Variants in PAPSS2 observed in about 807,000 individuals in gnomAD.
PAPSS2 encodes 3'-phosphoadenosine 5'-phosphosulfate synthase 2.
A neutral mutation model predicts 66.5 loss-of-function variants in PAPSS2; 61 were observed. The observed-to-expected ratio is 0.92, with a 90% confidence interval of 0.75 to 1.14. PAPSS2 has a LOEUF of 1.14. PAPSS2 is among the 50% of genes most tolerant of loss of function. The pLI is 0.00. For synonymous variants in PAPSS2, 289 were observed against 287.5 expected, an observed-to-expected ratio of 1.01 and a Z score of -0.05; for missense variants, 708 against 789.6, an observed-to-expected ratio of 0.90 and a Z score of 1.24.
At chr10:87,680,542 A>T (rs1853006789) in intron 1 of PAPSS2, among the ~76,000 whole-genome samples, 4 of 152,162 alleles carry the variant, frequency 2.6e-5, no homozygotes, top group Admixed American at 2.6e-4. Context: ...GTCCCTCCTC[A>T]GTCACTTTGA....
rs535151282 is a variant in PAPSS2 at position 87,702,737 on chromosome 10, C to T, written c.28-6459C>T. Reference sequence around the variant, plus strand: ...TTTTTTTTAATTGAGACATTATGAACATCTCAGAACAAAAGCTTTGGGCTT... The same window carrying T: ...TTTTTTTTAATTGAGACATTATGAATATCTCAGAACAAAAGCTTTGGGCTT... On this transcript the variant is annotated intron_variant, in intron 1 of 12. Coordinates refer to ENST00000456849, the MANE Select transcript of PAPSS2 (RefSeq NM_001015880.2). Among the ~76,000 whole-genome samples, 22 of 152,190 alleles carry T rather than the reference C, an allele frequency of 1.4e-4. No homozygotes were observed. In the South Asian group the frequency reaches 4.4e-3, roughly 30 times the overall value.
chr10:87,665,399 G>A (rs564027603), intron 1 of PAPSS2, among the ~76,000 whole-genome samples: 7 of 152,142 alleles, frequency 4.6e-5, no homozygotes, highest in Non-Finnish European at 7.4e-5. Flanking sequence ...TTTTAGTAGA[G>A]ACGGGGTTTC....
rs767367346 is a variant in PAPSS2 at position 87,714,994 on chromosome 10, C to T, written c.649C>T (p.Pro217Ser). 1 of 1,602,240 alleles carries T rather than the reference C, an allele frequency of 6.2e-7. No homozygotes were observed. Among genetic ancestry groups the T allele is most frequent in the Non-Finnish European group, 8.6e-7 (1 of 1,169,308 alleles). ...TGCTGTTTCATTTCAGAACATTGTA[C>T]CCTATACTATAATCAAAGATATCCA... Reference protein sequence around the residue: ...VELLQEQNIVPYTIIKDIHEL... With the variant: ...VELLQEQNIVSYTIIKDIHEL... Residue 217 changes from proline to serine, a missense_variant, in exon 6 of 13, where the codon CCC becomes TCC. Physicochemically the swap from Pro to Ser is moderately conservative, Grantham distance 74 (BLOSUM62 -1). Coordinates refer to ENST00000456849, the MANE Select transcript of PAPSS2 (RefSeq NM_001015880.2).
At chr10:87,697,025 C>T (rs1013012338) in intron 1 of PAPSS2, among the ~76,000 whole-genome samples, 5 of 152,132 alleles carry the variant, frequency 3.3e-5, no homozygotes, top group African/African-American at 1.2e-4. Flanking sequence ...TAATTTTCAC[C>T]TAACATTTTT....
chr10:87,693,591 G>A (rs61853154), intron 1 of PAPSS2, among the ~76,000 whole-genome samples: 5,945 of 152,258 alleles, frequency 0.039, 263 homozygotes, highest in East Asian at 0.2. Context: ...CATGTGGCGC[G>A]TTTGACATAC....
chr10:87,705,228 T>A (rs1853368287), intron 1 of PAPSS2, among the ~76,000 whole-genome samples: 1 of 152,224 alleles, frequency 6.6e-6, no homozygotes, highest in Non-Finnish European at 1.5e-5. Context: ...ATGTTTTCCA[T>A]TCATTATCAT....
At chr10:87,731,033 T>C (rs982609806) in intron 9 of PAPSS2, among the ~76,000 whole-genome samples, 1 of 152,206 alleles carries the variant, frequency 6.6e-6, no homozygotes, top group Non-Finnish European at 1.5e-5. Context: ...CAGCCTTCTA[T>C]TGGAAGAAGA....
At chr10:87,742,523 C>A (rs1182168603) in intron 10 of PAPSS2, among the ~76,000 whole-genome samples, 1 of 151,932 alleles carries the variant, frequency 6.6e-6, no homozygotes, top group African/African-American at 2.4e-5. Flanking sequence ...TCAAGTTTTT[C>A]ATTATAATAT....
In PAPSS2 at chr10:87,709,304, T is replaced by C; in HGVS notation, c.136T>C (p.Trp46Arg). 3 of 1,589,754 alleles carry C rather than the reference T, an allele frequency of 1.9e-6. No individual in the cohort carries two copies. The highest frequency in any genetic ancestry group is 2.6e-6 in the Non-Finnish European group (3 of 1,161,486). Reference sequence around the variant, plus strand: ...GGGTGGGTTCCGAGGATGTACCGTGTGGCTAACAGGTATGTCATGTTCATA... The same window carrying C: ...GGGTGGGTTCCGAGGATGTACCGTGCGGCTAACAGGTATGTCATGTTCATA... The part of the protein sequence containing the change: ...TRGGFRGCTV[W>R]LTGLSGAGKT... The change falls in exon 2 of 13, where the codon TGG becomes CGG. Residue 46 changes from tryptophan to arginine, a missense_variant. Coordinates refer to ENST00000456849, the MANE Select transcript of PAPSS2 (RefSeq NM_001015880.2).
rs1366538541 is a variant in PAPSS2, at chr10:87,715,006, A to G, written c.661A>G (p.Ile221Val). 6.2e-7 allele frequency: 1 copy of G among 1,610,190 alleles called. No individual in the cohort carries two copies. Among genetic ancestry groups the G allele is most frequent in the Non-Finnish European group, 8.5e-7 (1 of 1,176,574 alleles). The change falls in exon 6 of 13, where the codon ATC (isoleucine) becomes GTC (valine). Residue 221 changes from isoleucine (I) to valine (V), a missense_variant. By Grantham distance (29) the Ile-to-Val change is conservative. Transcript: ENST00000456849. The stretch of plus-strand genomic sequence containing the variant: ...TCAGAACATTGTACCCTATACTATA[A>G]TCAAAGATATCCACGAACTCTTTGT... The part of the protein sequence containing the change: ...QEQNIVPYTI[I>V]KDIHELFVPE...
intron 10 of PAPSS2, among the ~76,000 whole-genome samples, chr10:87,742,633 T>C (rs1290892994): frequency 6.6e-6 from 1 of 152,226 alleles, no homozygotes; most frequent in African/African-American, 2.4e-5. Flanking sequence ...GGAGTAGTTT[T>C]GGAGATTTCT....
chr10:87,724,117 C>T (rs998000095), intron 8 of PAPSS2, among the ~76,000 whole-genome samples: 3 of 151,884 alleles, frequency 2.0e-5, no homozygotes, highest in African/African-American at 2.4e-5. Context: ...GGAGGAACAC[C>T]GTTTTGTACA....
intron 1 of PAPSS2, among the ~76,000 whole-genome samples, chr10:87,664,255 G>GA (rs1331074100): frequency 6.6e-6 from 1 of 152,172 alleles, no homozygotes; most frequent in Non-Finnish European, 1.5e-5. Context: ...AACAAATGCA[G>GA]AAATATAGAG....
At chr10:87,733,490 T>C (rs1853755465) in intron 9 of PAPSS2, among the ~76,000 whole-genome samples, 1 of 152,246 alleles carries the variant, frequency 6.6e-6, no homozygotes, top group African/African-American at 2.4e-5. Context: ...TACATTTTCT[T>C]GTACAAACCA....
Position 87,704,538 on chromosome 10 carries a change from T to C in PAPSS2, c.28-4658T>C, listed in dbSNP as rs145637754. The stretch of plus-strand genomic sequence containing the variant: ...GGCAGCAGCACCTTAGTCTAGTATG[T>C]TGGGATTGGGATCAGAGTCTTTTTC... On this transcript the variant is annotated intron_variant, in intron 1 of 12. Coordinates refer to ENST00000456849, the MANE Select transcript of PAPSS2 (RefSeq NM_001015880.2). Among the ~76,000 whole-genome samples, 36 of 152,304 alleles carry C rather than the reference T, an allele frequency of 2.4e-4. No individual in the cohort carries two copies. In the East Asian group the frequency reaches 6.9e-3, roughly 29 times the overall value.
intron 1 of PAPSS2, among the ~76,000 whole-genome samples, chr10:87,701,300 TTTCCTTCCTTCCTTCC>T (rs1174780842): frequency 9.7e-6 from 1 of 102,976 alleles, no homozygotes; most frequent in Admixed American, 1.1e-4. Flanking sequence ...TTCTTTCTTT[TTTCCTTCCTTCCTTCC>T]TTCCTTCCTT....
At chr10:87,714,493 G>T (rs1853507308) in intron 4 of PAPSS2, among the ~76,000 whole-genome samples, 1 of 152,080 alleles carries the variant, frequency 6.6e-6, no homozygotes, top group African/African-American at 2.4e-5. Context: ...CTTCCTTTTT[G>T]ATTGTAATCA....
In PAPSS2 at chr10:87,706,104, ATATATGTGTGTGTG is replaced by A. The variant is rs745998005; in HGVS notation, c.28-3090_28-3077del. Among the ~76,000 whole-genome samples, 67 of 78,104 alleles carry A rather than the reference ATATATGTGTGTGTG, an allele frequency of 8.6e-4. 1 individual carries two copies. Among genetic ancestry groups the A allele is most frequent in the Non-Finnish European group, 9.3e-4 (41 of 44,146 alleles). The allele number at this position is 78,104 out of a possible 152,430, so 51.2% of individuals were successfully genotyped here. A position where few individuals can be genotyped will look rare whatever the true frequency, so the allele number is the denominator to read the frequency against. ...ACATGGTATATATATATATATATAT[ATATATGTGTGTGTG>A]TGTGTGTGTGTGTGTGTGTGTGTAT... On this transcript the variant is annotated intron_variant, in intron 1 of 12. Transcript: ENST00000456849.
At chr10:87,739,006 A>G (rs1853834192) in intron 9 of PAPSS2, among the ~76,000 whole-genome samples, 2 of 152,146 alleles carry the variant, frequency 1.3e-5, no homozygotes, top group Non-Finnish European at 2.9e-5. Context: ...TTTGATGCAC[A>G]TATGTTTGAA....
Sources: allele counts gnomAD v4.1 joint callset (sites outside exome capture counted in the v4.1 genomes callset), GRCh38; gene constraint gnomAD v4.1.1; transcripts MANE v1.5; gene names NCBI Gene and HGNC (gene_info 2026-07-23, HGNC 2026-07-21).